Variants in RAD51B observed in about 807,000 individuals in gnomAD.
RAD51B encodes RAD51 paralog B.
RAD51B carries 38 observed loss-of-function variants against 42.2 expected under a neutral mutation model. The ratio of observed to expected loss-of-function variants is 0.90; its 90% CI spans 0.70 to 1.18. The LOEUF is 1.18. Among genes scored for constraint, RAD51B ranks in the 50% most tolerant of loss-of-function variants. The pLI is 0.00. For missense variants in RAD51B, 373 were observed against 400.7 expected (o/e 0.93, Z 0.59); for synonymous variants, 154 against 145.2 (o/e 1.06, Z -0.43).
At position 67,893,496 on chromosome 14, in the gene RAD51B, ACACAC is replaced by A. The variant is rs1566945289; in HGVS notation, c.756+6293_756+6297del. Among the ~76,000 whole-genome samples, 196 of 94,242 alleles carry A rather than the reference ACACAC, an allele frequency of 2.1e-3. 6 individuals are homozygous for A. Among genetic ancestry groups the A allele is most frequent in the Middle Eastern group, 5.2e-3 (1 of 194 alleles). The allele number at this position is 94,242 out of a possible 152,430, so 61.8% of individuals were successfully genotyped here. A position where few individuals can be genotyped will look rare whatever the true frequency, so the allele number is the denominator to read the frequency against. The stretch of plus-strand genomic sequence containing the variant: ...CACACACACACACACACACACACAC[ACACAC>A]ACACACACAAAAAAAAACAATTAGC... On this transcript the variant is annotated intron_variant, in intron 7 of 10. Coordinates refer to ENST00000471583, the MANE Select transcript of RAD51B (RefSeq NM_133510.4).
chr14:67,878,550 TTTTTAAAG>T (rs2042802703), intron 5 of RAD51B, among the ~76,000 whole-genome samples: 1 of 152,174 alleles, frequency 6.6e-6, no homozygotes, highest in Non-Finnish European at 1.5e-5. Flanking sequence ...ATGGCTGTAG[TTTTTAAAG>T]TTTTAATTTT....
chr14:68,284,922 G>A (rs2081384756), intron 7 of RAD51B, among the ~76,000 whole-genome samples: 1 of 152,154 alleles, frequency 6.6e-6, no homozygotes, highest in Non-Finnish European at 1.5e-5. Flanking sequence ...TTTGGGATGG[G>A]GAGAGGCATG....
rs1594994232 is a variant in RAD51B at position 67,847,981 on chromosome 14, T to C, written c.315+12785T>C. Among the ~76,000 whole-genome samples the C allele has an allele frequency of 2.0e-5, 3 of 152,198 alleles. No individual in the cohort carries two copies. The East Asian group carries it at 5.8e-4, about 29-fold the overall frequency. On this transcript the variant is annotated intron_variant, in intron 4 of 10. Transcript: ENST00000471583. ...GGTGCTCCAATGTTTGATGGGTATA[T>C]ATTTAGGATAGTTAAATCTTCCTGT...
At chr14:67,874,095 AAATT>A (rs1482368068) in intron 5 of RAD51B, among the ~76,000 whole-genome samples, 4 of 151,222 alleles carry the variant, frequency 2.6e-5, no homozygotes, top group Admixed American at 1.3e-4. Context: ...TAATAATAAT[AAATT>A]AATTAATTAA....
At chr14:68,133,179 G>C (rs563802449) in intron 7 of RAD51B, among the ~76,000 whole-genome samples, 1 of 152,158 alleles carries the variant, frequency 6.6e-6, no homozygotes, top group Non-Finnish European at 1.5e-5. Flanking sequence ...GGAAGAACTT[G>C]AAGTTCTTTC....
At chr14:68,047,703 C>T (rs1012034376) in intron 7 of RAD51B, among the ~76,000 whole-genome samples, 2 of 152,166 alleles carry the variant, frequency 1.3e-5, no homozygotes, top group African/African-American at 4.8e-5. Flanking sequence ...CTCTTCTCAG[C>T]ACTATGAGGG....
intron 8 of RAD51B, among the ~76,000 whole-genome samples, chr14:68,342,592 T>C (rs1309361651): frequency 6.6e-6 from 1 of 152,194 alleles, no homozygotes; most frequent in Non-Finnish European, 1.5e-5. Flanking sequence ...TCTCTCTCTG[T>C]CTCTCTCTTT....
At chr14:67,994,570 G>A (rs2075350564) in intron 7 of RAD51B, among the ~76,000 whole-genome samples, 1 of 152,140 alleles carries the variant, frequency 6.6e-6, no homozygotes, top group Non-Finnish European at 1.5e-5. Flanking sequence ...TGAGAAATCA[G>A]TGCTCCTTTG....
chr14:68,441,706 T>C (rs1241611015), intron 9 of RAD51B, among the ~76,000 whole-genome samples: 1 of 152,212 alleles, frequency 6.6e-6, no homozygotes, highest in Admixed American at 6.5e-5. Context: ...ATTAGATATG[T>C]GATCTTGGAC....
chr14:68,090,799 C>G (rs1027349000), intron 7 of RAD51B, among the ~76,000 whole-genome samples: 2 of 150,966 alleles, frequency 1.3e-5, no homozygotes, highest in Admixed American at 1.3e-4. Flanking sequence ...GTGCTGCAAC[C>G]ATTAACTTGT....
chr14:68,570,637 T>G (rs1211950555), intron 10 of RAD51B, among the ~76,000 whole-genome samples: 1 of 152,208 alleles, frequency 6.6e-6, no homozygotes, highest in Non-Finnish European at 1.5e-5. Flanking sequence ...CAGCCTGCTG[T>G]AACCTTCTGA....
intron 7 of RAD51B, among the ~76,000 whole-genome samples, chr14:68,077,880 C>A (rs1358250514): frequency 6.6e-6 from 1 of 152,212 alleles, no homozygotes; most frequent in Non-Finnish European, 1.5e-5. Flanking sequence ...CGCTTGAACC[C>A]GGGAAGTGGA....
chr14:67,969,579 A>G (rs2074857002), intron 7 of RAD51B, among the ~76,000 whole-genome samples: 1 of 152,132 alleles, frequency 6.6e-6, no homozygotes, highest in Non-Finnish European at 1.5e-5. Flanking sequence ...GCATTAGGTG[A>G]TCTCTGAGGG....
At position 68,477,692 on chromosome 14, in the gene RAD51B, A is replaced by T. The variant is rs1882806388; in HGVS notation, c.*28A>T. ...ATACTGTGACCTTTGTCTAGAGTTG[A>T]TGGGGGTGTGATTTGTGAAATAAAA... On this transcript the variant is annotated 3_prime_UTR_variant, in exon 11 of 11. Coordinates refer to ENST00000471583, the MANE Select transcript of RAD51B (RefSeq NM_133510.4). 6.2e-7 allele frequency: 1 copy of T among 1,602,574 alleles called. No homozygotes were observed. The highest frequency in any genetic ancestry group is 1.4e-5 in the African/African-American group (1 of 71,252).
chr14:68,382,098 G>T (rs1342261384), intron 8 of RAD51B, among the ~76,000 whole-genome samples: 1 of 152,204 alleles, frequency 6.6e-6, no homozygotes, highest in Non-Finnish European at 1.5e-5. Context: ...TGAGACAAAG[G>T]CCATTTATTT....
At chr14:68,313,245 A>C (rs546545235) in intron 8 of RAD51B, among the ~76,000 whole-genome samples, 3 of 152,172 alleles carry the variant, frequency 2.0e-5, no homozygotes, top group African/African-American at 7.2e-5. Flanking sequence ...TTCTCCTTTC[A>C]GTGCCTCCTA....
At chr14:68,253,014 C>T (rs542440972) in intron 7 of RAD51B, among the ~76,000 whole-genome samples, 2 of 150,720 alleles carry the variant, frequency 1.3e-5, no homozygotes, top group East Asian at 1.9e-4. Context: ...ACCTGGGCGG[C>T]GGAGGTTGCA....
intron 7 of RAD51B, among the ~76,000 whole-genome samples, chr14:68,152,498 T>G (rs2078409896): frequency 6.6e-6 from 1 of 152,178 alleles, no homozygotes; most frequent in Admixed American, 6.5e-5. Flanking sequence ...GGATCCCCAT[T>G]GTGTTGGTCA....
In RAD51B at chr14:67,864,501, C is replaced by G. The variant is rs373103122; in HGVS notation, c.316-502C>G. Among the ~76,000 whole-genome samples the G allele has an allele frequency of 9.2e-5, 14 of 152,274 alleles. No individual in the cohort carries two copies. In the East Asian group the frequency reaches 1.5e-3, roughly 17 times the overall value. On this transcript the variant is annotated intron_variant, in intron 4 of 10. Transcript: ENST00000471583. ...AAAATAAATTGTGTACATCAGTACC[C>G]TTCACCCCTAAATACTCTTAAAAAT...
Sources: gnomAD v4.1 joint callset for allele counts (sites outside exome capture counted in the v4.1 genomes callset) on GRCh38, gnomAD v4.1.1 for gene constraint, MANE v1.5 for transcripts, NCBI Gene and HGNC (gene_info 2026-07-23, HGNC 2026-07-21) for gene names.